SH3RF3: variants seen among roughly 807,000 people sequenced by gnomAD.
SH3RF3 encodes the protein E3 ubiquitin-protein ligase SH3RF3.
A neutral mutation model predicts 66.3 loss-of-function variants in SH3RF3; 29 were observed. The ratio of observed to expected loss-of-function variants is 0.44; its 90% CI spans 0.33 to 0.60. The LOEUF (loss-of-function observed/expected upper bound fraction) is 0.60. SH3RF3 is among the 20% of genes least tolerant of loss of function. The pLI, the probability that SH3RF3 is intolerant of heterozygous loss-of-function variation, is 0.04. For missense variants in SH3RF3, 1,194 were observed against 1,190.9 expected, an observed-to-expected ratio of 1.00 and a Z score of -0.04; for synonymous variants, 583 against 532.0, an observed-to-expected ratio of 1.10 and a Z score of -1.32.
chr2:109,419,194 G>GGT lies in SH3RF3; in HGVS notation c.1300-344_1300-343dup, dbSNP rs547881980. On this transcript the variant is annotated intron_variant, in intron 4 of 9. Coordinates refer to ENST00000309415, the MANE Select transcript of SH3RF3 (RefSeq NM_001099289.3). ...TTCATAGCATGAAAGATTTTGTGTG[G>GGT]GTTTTTTTTAAACAAACACAATAAT... 1.1e-4 allele frequency among the ~76,000 whole-genome samples: 16 copies of GGT among 151,746 alleles called. No individual in the cohort carries two copies. The South Asian group carries it at 2.5e-3, about 24-fold the overall frequency.
chr2:109,167,258 A>T (rs13402714), intron 1 of SH3RF3, among the ~76,000 whole-genome samples: 39,735 of 152,128 alleles, frequency 0.26, 5,540 homozygotes, highest in East Asian at 0.45. Context: ...GTAGCTACCA[A>T]TTTATGTAGC....
At chr2:109,282,867 T>C (rs1680931048) in intron 1 of SH3RF3, among the ~76,000 whole-genome samples, 2 of 151,980 alleles carry the variant, frequency 1.3e-5, no homozygotes, top group South Asian at 4.2e-4. Context: ...GGAGAGGAGC[T>C]ATGGATGGGG....
At chr2:109,477,439 C>T (rs965803609) in intron 8 of SH3RF3, among the ~76,000 whole-genome samples, 1 of 152,226 alleles carries the variant, frequency 6.6e-6, no homozygotes, top group African/African-American at 2.4e-5. Context: ...ACCTCAAAGT[C>T]CCGAAACGGG....
chr2:109,220,047 A>G (rs942671619), intron 1 of SH3RF3, among the ~76,000 whole-genome samples: 3 of 152,256 alleles, frequency 2.0e-5, no homozygotes, highest in African/African-American at 7.2e-5. Flanking sequence ...AATAGTAATC[A>G]AAACTATGTT....
intron 1 of SH3RF3, among the ~76,000 whole-genome samples, chr2:109,131,693 T>G (rs1676700197): frequency 6.6e-6 from 1 of 152,216 alleles, no homozygotes; most frequent in Non-Finnish European, 1.5e-5. Context: ...CTTTTAGAAC[T>G]TGTCAAAGGG....
rs768790290 is a variant in SH3RF3, at chr2:109,501,497, C to T, written c.2481-6C>T. 1.3e-6 allele frequency: 1 copy of T among 775,880 alleles called. No homozygotes were observed. Among genetic ancestry groups the T allele is most frequent in the South Asian group, 1.4e-5 (1 of 73,224 alleles). The allele number at this position is 775,880 out of a possible 1,614,324, so 48.1% of individuals were successfully genotyped here. A position where few individuals can be genotyped will look rare whatever the true frequency, so the allele number is the denominator to read the frequency against. On this transcript the variant is annotated splice_polypyrimidine_tract_variant and splice_region_variant and intron_variant, in intron 9 of 9. Transcript: ENST00000309415. ...GTGGGGCTCACCCACTGTGCTGTTT[C>T]CCCAGGTACCGCGTGGTGGTCTCGT...
chr2:109,325,724 G>A (rs1464824763), intron 1 of SH3RF3, among the ~76,000 whole-genome samples: 4 of 152,140 alleles, frequency 2.6e-5, no homozygotes, highest in African/African-American at 9.7e-5. Flanking sequence ...ATCACTACAT[G>A]TTCCTTGGAA....
intron 1 of SH3RF3, among the ~76,000 whole-genome samples, chr2:109,166,505 A>T (rs1228742255): frequency 6.6e-6 from 1 of 151,588 alleles, no homozygotes; most frequent in Non-Finnish European, 1.5e-5. Flanking sequence ...CTCTATGTCA[A>T]GCTCATTGGT....
At chr2:109,491,409 C>A (rs569421715) in intron 9 of SH3RF3, among the ~76,000 whole-genome samples, 1 of 152,318 alleles carries the variant, frequency 6.6e-6, no homozygotes, top group South Asian at 2.1e-4. Flanking sequence ...AAGTCTATAT[C>A]CCTTGAATTA....
chr2:109,170,537 G>T (rs11691593), intron 1 of SH3RF3, among the ~76,000 whole-genome samples: 59,521 of 151,692 alleles, frequency 0.39, 15,016 homozygotes, highest in Non-Finnish European at 0.56. Context: ...GTAGAGATGG[G>T]GTTTCACTAT....
chr2:109,353,774 C>T (rs1682888199), intron 2 of SH3RF3, among the ~76,000 whole-genome samples: 1 of 152,204 alleles, frequency 6.6e-6, no homozygotes, highest in Non-Finnish European at 1.5e-5. Context: ...GAGAGTCTCC[C>T]CTGCCCGTGT....
chr2:109,131,958 C>T (rs561692505), intron 1 of SH3RF3, among the ~76,000 whole-genome samples: 2 of 152,294 alleles, frequency 1.3e-5, no homozygotes, highest in South Asian at 2.1e-4. Context: ...AGCATTAGGT[C>T]CAGCACATGC....
At chr2:109,181,797 C>G (rs1028160826) in intron 1 of SH3RF3, among the ~76,000 whole-genome samples, 2 of 152,220 alleles carry the variant, frequency 1.3e-5, no homozygotes, top group Non-Finnish European at 2.9e-5. Context: ...TCTGAGCATA[C>G]TTCATCCATG....
At chr2:109,250,761 AGCTATTTTAGAAAAAAAAAGT>A (rs1422306031) in intron 1 of SH3RF3, among the ~76,000 whole-genome samples, 8 of 151,908 alleles carry the variant, frequency 5.3e-5, no homozygotes, top group Admixed American at 3.3e-4. Flanking sequence ...TTTAGTAATT[AGCTATTTTAGAAAAAAAAAGT>A]GCTTCAATAG....
At chr2:109,483,580 A>G (rs1050660126) in intron 8 of SH3RF3, among the ~76,000 whole-genome samples, 4 of 152,284 alleles carry the variant, frequency 2.6e-5, no homozygotes, top group Non-Finnish European at 4.4e-5. Flanking sequence ...TTGACTTCCT[A>G]TCTGCTGTGT....
chr2:109,470,429 C>T (rs1678475566), intron 8 of SH3RF3, among the ~76,000 whole-genome samples: 1 of 152,208 alleles, frequency 6.6e-6, no homozygotes, highest in South Asian at 2.1e-4. Flanking sequence ...AGAATTTGCT[C>T]TTCCTTATTG....
At chr2:109,177,933 C>T (rs1445632661) in intron 1 of SH3RF3, among the ~76,000 whole-genome samples, 1 of 152,316 alleles carries the variant, frequency 6.6e-6, no homozygotes, top group South Asian at 2.1e-4. Flanking sequence ...AAGTTTCTAG[C>T]AGGAGTCTCA....
At chr2:109,362,230 T>G (rs1019908274) in intron 2 of SH3RF3, among the ~76,000 whole-genome samples, 2 of 152,218 alleles carry the variant, frequency 1.3e-5, no homozygotes, top group East Asian at 3.8e-4. Context: ...GTGCTACTTT[T>G]GCGGCATCTC....
At chr2:109,346,926 G>C (rs940473046) in intron 1 of SH3RF3, among the ~76,000 whole-genome samples, 1 of 151,076 alleles carries the variant, frequency 6.6e-6, no homozygotes, top group Non-Finnish European at 1.5e-5. Flanking sequence ...GTGTCATGGT[G>C]GGGGGGTCTG....
Sources: allele counts gnomAD v4.1 joint callset (sites outside exome capture counted in the v4.1 genomes callset), GRCh38; gene constraint gnomAD v4.1.1; transcripts MANE v1.5; gene names NCBI Gene and HGNC (gene_info 2026-07-23, HGNC 2026-07-21).